The following TENM3 variants were observed in gnomAD, a reference collection of about 807,000 sequenced individuals.
The protein encoded by TENM3 is teneurin-3.
A neutral mutation model predicts 255.1 loss-of-function variants in TENM3; 63 were observed. That is an observed-to-expected ratio of 0.25 (90% CI 0.20 to 0.30). The LOEUF is 0.30. TENM3 is among the 10% of genes least tolerant of loss of function. The pLI, the probability that TENM3 is intolerant of heterozygous loss-of-function variation, is 1.00. For missense variants in TENM3, 2,929 were observed against 3,461.1 expected (o/e 0.85, Z 3.86); for synonymous variants, 1,306 against 1,322.3 (o/e 0.99, Z 0.27).
rs1561203184 is a variant in TENM3 at position 182,754,471 on chromosome 4, C to G, written c.4104C>G (p.Ile1368Met). ...TGGATAATAATGTAGTTTTACAGAT[C>G]ACTGAAAATCGTCAAGTTCGCATTG... is the stretch of plus-strand genomic sequence containing the variant. The part of the protein sequence containing the change: ...YVLDNNVVLQ[I>M]TENRQVRIAA... The change falls in exon 22 of 28, where the codon ATC becomes ATG. Residue 1368 changes from isoleucine to methionine, a missense_variant. Ile to Met is a conservative substitution (Grantham distance 10, BLOSUM62 1). Coordinates refer to ENST00000511685, the MANE Select transcript of TENM3 (RefSeq NM_001080477.4). This position sits in a 1 kb window ranked among gnomAD's most constrained non-coding sequence, Gnocchi z 5.1. 1 of 1,612,760 alleles carries G rather than the reference C, an allele frequency of 6.2e-7. No homozygotes were observed. The highest frequency in any genetic ancestry group is 8.5e-7 in the Non-Finnish European group (1 of 1,179,370).
intron 24 of TENM3, among the ~76,000 whole-genome samples, chr4:182,781,375 A>G (rs1765154750): frequency 6.8e-6 from 1 of 146,642 alleles, no homozygotes; most frequent in Admixed American, 6.8e-5. Context: ...ATTTGCATAT[A>G]TTGAACCAGC....
At chr4:181,984,089 C>CT in the TENM3 span, among the ~76,000 whole-genome samples, 3 of 151,928 alleles carry the variant, frequency 2.0e-5, no homozygotes, top group South Asian at 2.1e-4. Flanking sequence ...TTTCTGTCCC[C>CT]TTTTTTGTCT....
chr4:182,012,577 C>T, the TENM3 span: 1 of 152,226 alleles, frequency 6.6e-6, no homozygotes, highest in Non-Finnish European at 1.5e-5. Flanking sequence ...GAGAAAGAAA[C>T]TCACATTTTA....
chr4:181,768,565 T>C, the TENM3 span, among the ~76,000 whole-genome samples: 1 of 152,248 alleles, frequency 6.6e-6, no homozygotes, highest in Non-Finnish European at 1.5e-5. Flanking sequence ...AAATTCAATG[T>C]TCCTTTATCA....
the TENM3 span, among the ~76,000 whole-genome samples, chr4:181,607,279 G>A: frequency 0.021 from 3,154 of 152,286 alleles, 124 homozygotes; most frequent in African/African-American, 0.072. Flanking sequence ...GAGCTTTCAT[G>A]GTGATAGTCT....
the TENM3 span, among the ~76,000 whole-genome samples, chr4:181,575,558 A>G: frequency 1.3e-5 from 2 of 152,184 alleles, no homozygotes; most frequent in African/African-American, 4.8e-5. Context: ...ATCCTTCTCA[A>G]CTATGCTTTT....
chr4:182,041,912 T>C, the TENM3 span, among the ~76,000 whole-genome samples: 2 of 152,240 alleles, frequency 1.3e-5, no homozygotes, highest in African/African-American at 4.8e-5. Flanking sequence ...TTCCAAAAAG[T>C]ATAATTAATT....
chr4:182,327,928 G>A (rs1221599373), intron 2 of TENM3, among the ~76,000 whole-genome samples: 1 of 152,202 alleles, frequency 6.6e-6, no homozygotes, highest in African/African-American at 2.4e-5. Context: ...AGCTCTGTGG[G>A]CTATGCACAT....
chr4:182,202,299 C>CTTTTTT (rs773698031), intron 1 of TENM3, among the ~76,000 whole-genome samples: 6 of 100,604 alleles, frequency 6.0e-5, no homozygotes, highest in Non-Finnish European at 1.2e-4. Flanking sequence ...GTGCACTGCA[C>CTTTTTT]TTTTTTTTTT....
intron 1 of TENM3, among the ~76,000 whole-genome samples, chr4:182,260,989 C>T (rs1380909563): frequency 6.6e-6 from 1 of 152,092 alleles, no homozygotes; most frequent in East Asian, 1.9e-4. Context: ...GATTCTCCTG[C>T]TTCAGCCTCC....
chr4:181,470,123 A>AAAAAAAAAAAAAAG, the TENM3 span, among the ~76,000 whole-genome samples: 1 of 149,608 alleles, frequency 6.7e-6, no homozygotes. Flanking sequence ...AAAAAAAAAA[A>AAAAAAAAAAAAAAG]AACATTATTC....
chr4:182,576,279 G>T (rs900784160), intron 3 of TENM3, among the ~76,000 whole-genome samples: 3 of 152,112 alleles, frequency 2.0e-5, no homozygotes. Context: ...GGATAAAAAC[G>T]AAAACAATTT....
In TENM3 at chr4:182,787,041, TTAAAATA is replaced by T. The variant is rs936439012; in HGVS notation, c.5305-2049_5305-2043del. Among the ~76,000 whole-genome samples the T allele has an allele frequency of 5.9e-5, 9 of 152,066 alleles. No homozygotes were observed. In the South Asian group the frequency reaches 1.0e-3, roughly 17 times the overall value. On this transcript the variant is annotated intron_variant, in intron 24 of 27. Transcript: ENST00000511685. ...TTTGATACAAATATTTCTACAGACT[TTAAAATA>T]TATATATGTAACTAGCCGGTAGCTT...
the TENM3 span, among the ~76,000 whole-genome samples, chr4:181,699,295 G>T: frequency 1.3e-5 from 2 of 151,734 alleles, no homozygotes; most frequent in South Asian, 2.1e-4. Context: ...GCCAGGCATG[G>T]TGGTACACAT....
At chr4:181,487,229 A>T in the TENM3 span, among the ~76,000 whole-genome samples, 7 of 152,268 alleles carry the variant, frequency 4.6e-5, no homozygotes, top group African/African-American at 1.7e-4. Context: ...TGTTTTAGAT[A>T]GGTTAGTAGA....
the TENM3 span, among the ~76,000 whole-genome samples, chr4:181,529,998 T>A: frequency 6.6e-6 from 1 of 152,228 alleles, no homozygotes; most frequent in Non-Finnish European, 1.5e-5. Context: ...ACAGGAGCGT[T>A]TGGAAATCAT....
At chr4:182,389,756 G>C (rs1975805) in intron 3 of TENM3, among the ~76,000 whole-genome samples, 1 of 147,686 alleles carries the variant, frequency 6.8e-6, no homozygotes, top group Non-Finnish European at 1.5e-5. Flanking sequence ...CGCGATCTCG[G>C]CTCACTGCAA....
At chr4:181,857,410 T>C in the TENM3 span, among the ~76,000 whole-genome samples, 1 of 151,472 alleles carries the variant, frequency 6.6e-6, no homozygotes, top group Non-Finnish European at 1.5e-5. Flanking sequence ...GCCTTGTCAG[T>C]CATGAAAAGA....
the TENM3 span, among the ~76,000 whole-genome samples, chr4:181,768,683 T>A: frequency 6.6e-6 from 1 of 152,182 alleles, no homozygotes; most frequent in African/African-American, 2.4e-5. Flanking sequence ...CCAGAAGTTA[T>A]TCATAAGTAT....
Sources: allele counts gnomAD v4.1 joint callset (sites outside exome capture counted in the v4.1 genomes callset), GRCh38; gene constraint gnomAD v4.1.1; non-coding constraint Gnocchi (gnomAD v3.1); transcripts MANE v1.5; gene names NCBI Gene and HGNC (gene_info 2026-07-23, HGNC 2026-07-21).